CCDC50: variants seen among roughly 807,000 people sequenced by gnomAD.
CCDC50 encodes the protein coiled-coil domain-containing protein 50.
CCDC50 carries 54 observed loss-of-function variants against 70.2 expected under a neutral mutation model. The ratio of observed to expected loss-of-function variants is 0.77; its 90% CI spans 0.62 to 0.96. The LOEUF (loss-of-function observed/expected upper bound fraction) is 0.96. Ranked by LOEUF, CCDC50 falls within the 50% of genes least tolerant of loss-of-function variation. CCDC50 has a pLI of 0.00. For missense variants in CCDC50, 558 were observed against 578.7 expected (o/e 0.96, Z 0.37); for synonymous variants, 216 against 198.8 (o/e 1.09, Z -0.73).
chr3:191,381,008 C>T (rs1023515408), intron 9 of CCDC50, 76 bp downstream of exon 9: 2 of 1,104,056 alleles, frequency 1.8e-6, no homozygotes, highest in African/African-American at 3.2e-5. Flanking sequence ...TTGAGTTAAG[C>T]TCTGCAAATA....
intron 1 of CCDC50, among the ~76,000 whole-genome samples, chr3:191,331,032 C>T (rs940965322): frequency 1.3e-5 from 2 of 152,196 alleles, no homozygotes; most frequent in African/African-American, 4.8e-5. Context: ...ACTCTGCTGT[C>T]AAGACTAAGG....
chr3:191,379,873 C>G (rs1185817448), intron 6 of CCDC50, among the ~76,000 whole-genome samples: 1 of 152,046 alleles, frequency 6.6e-6, no homozygotes, highest in African/African-American at 2.4e-5. Flanking sequence ...GCCTCACTTG[C>G]AACTTCTTAC....
At chr3:191,360,643 A>G (rs1308253595) in intron 3 of CCDC50, among the ~76,000 whole-genome samples, 3 of 152,206 alleles carry the variant, frequency 2.0e-5, no homozygotes, top group Non-Finnish European at 4.4e-5. Flanking sequence ...GAATACTATG[A>G]TATTAGACCT....
chr3:191,357,135 C>T lies in CCDC50; in HGVS notation c.97C>T (p.Leu33=). Residue 33 remains leucine, a synonymous_variant, in exon 2 of 12, where the codon CTG becomes TTG. Coordinates refer to ENST00000392455, the MANE Select transcript of CCDC50 (RefSeq NM_178335.3). ...VLEDHTLAHS[L]QEQEIEHHLA... ...GGAGGACCACACCCTGGCTCACAGC[C>T]TGCAGGAACAAGAGAGTGAGTAATA... 6.2e-7 allele frequency: 1 copy of T among 1,613,638 alleles called. No individual in the cohort carries two copies. Among genetic ancestry groups the T allele is most frequent in the East Asian group, 2.2e-5 (1 of 44,872 alleles).
chr3:191,360,677 C>T (rs1285026180), intron 3 of CCDC50, among the ~76,000 whole-genome samples: 1 of 152,130 alleles, frequency 6.6e-6, no homozygotes, highest in African/African-American at 2.4e-5. Flanking sequence ...ACTAAGTGTA[C>T]ACTTTTTTAT....
intron 5 of CCDC50, among the ~76,000 whole-genome samples, chr3:191,374,097 C>T (rs527514450): frequency 2.6e-5 from 4 of 152,136 alleles, no homozygotes; most frequent in Admixed American, 2.6e-4. Flanking sequence ...ATTTCCAAAA[C>T]GTAGTAAAAG....
intron 6 of CCDC50, among the ~76,000 whole-genome samples, chr3:191,379,357 A>C (rs1560169691): frequency 6.6e-6 from 1 of 152,124 alleles, no homozygotes; most frequent in Non-Finnish European, 1.5e-5. Context: ...TCTCCTCTGA[A>C]TAGTTAATTT....
At chr3:191,363,027 C>G (rs148064464) in intron 4 of CCDC50, among the ~76,000 whole-genome samples, 2 of 150,700 alleles carry the variant, frequency 1.3e-5, no homozygotes, top group Admixed American at 6.6e-5. Flanking sequence ...TAAAAAATAC[C>G]AGAGTAGTGA....
intron 1 of CCDC50, among the ~76,000 whole-genome samples, chr3:191,350,703 T>C (rs1365182206): frequency 7.1e-6 from 1 of 141,612 alleles, no homozygotes; most frequent in East Asian, 1.9e-4. Flanking sequence ...TGGCTTTGGT[T>C]GAAATGGGGT....
At chr3:191,391,319 C>T (rs1713686358) in intron 11 of CCDC50, among the ~76,000 whole-genome samples, 1 of 152,182 alleles carries the variant, frequency 6.6e-6, no homozygotes, top group Non-Finnish European at 1.5e-5. Context: ...CAAGCATTTG[C>T]ATTTTTAAGA....
chr3:191,375,040 A>G (rs1448155094), intron 5 of CCDC50, 22 bp from the exon 6 acceptor site: 8 of 1,611,792 alleles, frequency 5.0e-6, no homozygotes, highest in Admixed American at 3.3e-5. Context: ...TTTATTTTTC[A>G]CATCCCTCTG....
intron 10 of CCDC50, among the ~76,000 whole-genome samples, chr3:191,386,863 T>G (rs978538215): frequency 2.0e-5 from 3 of 152,248 alleles, no homozygotes; most frequent in Non-Finnish European, 4.4e-5. Flanking sequence ...CTTAGCAATC[T>G]GAATTCTAAC....
chr3:191,352,977 T>A (rs1576955549), intron 1 of CCDC50, among the ~76,000 whole-genome samples: 1 of 138,456 alleles, frequency 7.2e-6, no homozygotes, highest in Admixed American at 7.5e-5. Context: ...TTTTTTTTTT[T>A]AACTTCTTTC....
chr3:191,336,240 T>C (rs1247430848), intron 1 of CCDC50, among the ~76,000 whole-genome samples: 1 of 152,096 alleles, frequency 6.6e-6, no homozygotes, highest in Non-Finnish European at 1.5e-5. Context: ...TGTCAAACTG[T>C]TTTTCAAAAT....
At position 191,352,364 on chromosome 3, in the gene CCDC50, T is replaced by A. The variant is rs752741253; in HGVS notation, c.50-4724T>A. Among the ~76,000 whole-genome samples, 2 of 141,816 alleles carry A rather than the reference T, an allele frequency of 1.4e-5. 1 individual carries two copies. Among genetic ancestry groups the A allele is most frequent in the Non-Finnish European group, 3.2e-5 (2 of 62,914 alleles). The allele number at this position is 141,816 out of a possible 152,430, so 93.0% of individuals were successfully genotyped here. ...AGGAAATGGATGGGGGGTATATATA[T>A]GTATGTATTTATGTATGTCAGCCAG... On this transcript the variant is annotated intron_variant, in intron 1 of 11. Coordinates refer to ENST00000392455, the MANE Select transcript of CCDC50 (RefSeq NM_178335.3).
In CCDC50 at chr3:191,389,506, C is replaced by T. The variant is rs1713607917; in HGVS notation, c.1333C>T (p.Pro445Ser). 1.9e-6 allele frequency: 3 copies of T among 1,613,504 alleles called. No homozygotes were observed. Among genetic ancestry groups the T allele is most frequent in the African/African-American group, 1.3e-5 (1 of 74,902 alleles). The stretch of plus-strand genomic sequence containing the variant: ...CTGGATTCCTTTTAGGCCACCACCA[C>T]CTATCATGACAGATGGTGAAGATGC... Reference protein sequence around the residue: ...KNERPARPPPPIMTDGEDADY... With the variant: ...KNERPARPPPSIMTDGEDADY... The change falls in exon 11 of 12, where the codon CCT (proline) becomes TCT (serine). Residue 445 changes from proline to serine, a missense_variant. Transcript: ENST00000392455.
At chr3:191,391,700 T>C in intron 11 of CCDC50, 41 bp from the exon 12 acceptor site, 1 of 1,599,362 alleles carries the variant, frequency 6.3e-7, no homozygotes, top group South Asian at 1.1e-5. Flanking sequence ...GTTTCAAAGG[T>C]TTTTCCTTAA....
chr3:191,358,952 A>G (rs1037150512), intron 3 of CCDC50, among the ~76,000 whole-genome samples: 5 of 152,162 alleles, frequency 3.3e-5, no homozygotes, highest in Non-Finnish European at 4.4e-5. Flanking sequence ...TCTGTTTATT[A>G]TTTGTAGAGA....
chr3:191,329,758 C>T, intron 1 of CCDC50, 35 bp downstream of exon 1: 2 of 1,597,034 alleles, frequency 1.3e-6, no homozygotes, highest in Non-Finnish European at 8.5e-7. Flanking sequence ...GCGGGACCCT[C>T]CCCTCTCCCA....
Sources: gnomAD v4.1 joint callset for allele counts (sites outside exome capture counted in the v4.1 genomes callset) on GRCh38, gnomAD v4.1.1 for gene constraint, MANE v1.5 for transcripts, NCBI Gene and HGNC (gene_info 2026-07-23, HGNC 2026-07-21) for gene names.